Variants in ROBO1 observed in about 807,000 individuals in gnomAD.
The protein encoded by ROBO1 is roundabout homolog 1.
In ROBO1, 149 loss-of-function variants were observed where a neutral mutation model predicts 195.9. The observed-to-expected ratio is 0.76, with a 90% CI of 0.67 to 0.87. ROBO1 has a LOEUF of 0.87. Ranked by LOEUF, ROBO1 falls within the 40% of genes least tolerant of loss-of-function variation. ROBO1 has a pLI of 0.00. For synonymous variants in ROBO1, 816 were observed against 733.2 expected (o/e 1.11, Z -1.82); for missense variants, 1,933 against 2,068.3 (o/e 0.93, Z 1.27).
At chr3:79,546,220 A>C (rs182640469) in intron 2 of ROBO1, among the ~76,000 whole-genome samples, 6 of 152,188 alleles carry the variant, frequency 3.9e-5, no homozygotes, top group African/African-American at 1.2e-4. Context: ...TATTGCAAAA[A>C]TACAGCATAT....
At chr3:79,061,358 A>G (rs2078914066) in intron 3 of ROBO1, among the ~76,000 whole-genome samples, 1 of 152,198 alleles carries the variant, frequency 6.6e-6, no homozygotes, top group Non-Finnish European at 1.5e-5. Context: ...AAGAGGACAC[A>G]AACAAATGGA....
chr3:79,581,491 T>C (rs1943659715), intron 2 of ROBO1, among the ~76,000 whole-genome samples: 1 of 152,170 alleles, frequency 6.6e-6, no homozygotes, highest in Admixed American at 6.6e-5. Flanking sequence ...TGCTTCCATC[T>C]ACTTAAACAA....
rs1205031969 is a variant in ROBO1 at position 78,651,899 on chromosome 3, T to C, written c.2645A>G (p.Asp882Gly). The part of the protein sequence containing the change: ...DAHGNPVSPE[D>G]QVSLAQQISD... ...AATCTGCTGAGCGAGGCTGACTTGG[T>C]CCTCAGGTGACACAGGGTTTCCATG... Residue 882 changes from aspartate to glycine, a missense_variant, in exon 19 of 31, where the codon GAC (aspartate) becomes GGC (glycine). By Grantham distance (94) the Asp-to-Gly change is moderately conservative. Coordinates refer to ENST00000464233, the MANE Select transcript of ROBO1 (RefSeq NM_002941.4). 8.7e-6 allele frequency: 14 copies of C among 1,613,290 alleles called. No homozygotes were observed. The highest frequency in any genetic ancestry group is 1.2e-5 in the Non-Finnish European group (14 of 1,179,556).
intron 2 of ROBO1, among the ~76,000 whole-genome samples, chr3:79,146,418 T>C (rs1343406837): frequency 3.3e-5 from 5 of 152,028 alleles, no homozygotes; most frequent in African/African-American, 1.2e-4. Flanking sequence ...TGAACATAAC[T>C]GCAGAAAAAT....
intron 2 of ROBO1, among the ~76,000 whole-genome samples, chr3:79,361,658 T>C (rs558217605): frequency 1.3e-5 from 2 of 152,224 alleles, no homozygotes; most frequent in Admixed American, 1.3e-4. Context: ...AAAATGTCAG[T>C]ATAGAAAAGA....
chr3:78,972,722 T>C (rs753179427), intron 3 of ROBO1, among the ~76,000 whole-genome samples: 3 of 152,208 alleles, frequency 2.0e-5, no homozygotes, highest in Non-Finnish European at 4.4e-5. Flanking sequence ...AGTGGGAAAG[T>C]CCTTGGCCTG....
chr3:79,303,220 G>T (rs530802754), intron 2 of ROBO1, among the ~76,000 whole-genome samples: 6 of 142,158 alleles, frequency 4.2e-5, no homozygotes, highest in Non-Finnish European at 7.5e-5. Context: ...AGGCTGGAGC[G>T]CAGTGGCGCC....
At chr3:79,221,156 C>T (rs2082130516) in intron 2 of ROBO1, among the ~76,000 whole-genome samples, 1 of 152,012 alleles carries the variant, frequency 6.6e-6, no homozygotes, top group Non-Finnish European at 1.5e-5. Context: ...GGAAGGCAGG[C>T]TTTCTTTTTC....
intron 19 of ROBO1, among the ~76,000 whole-genome samples, chr3:78,650,058 C>T (rs996266349): frequency 1.3e-5 from 2 of 152,000 alleles, no homozygotes; most frequent in African/African-American, 4.8e-5. Context: ...AGAGACTCCA[C>T]ATCTATATGT....
chr3:78,779,314 C>A (rs573755887), intron 4 of ROBO1, among the ~76,000 whole-genome samples: 16 of 152,258 alleles, frequency 1.1e-4, no homozygotes, highest in Non-Finnish European at 1.8e-4. Flanking sequence ...TCAGAATGAA[C>A]AGGCAACCTA....
chr3:78,701,137 T>G (rs2081410862), intron 8 of ROBO1, among the ~76,000 whole-genome samples: 1 of 152,178 alleles, frequency 6.6e-6, no homozygotes, highest in Non-Finnish European at 1.5e-5. Context: ...TTAAAAAGAG[T>G]AAAACCTTGC....
chr3:79,019,159 C>A, intron 3 of ROBO1: 1 of 986,728 alleles, frequency 1.0e-6, no homozygotes, highest in Non-Finnish European at 1.2e-6. Flanking sequence ...ACTCGCACGT[C>A]TTCTGGGCGC....
chr3:78,903,371 T>C (rs562030888), intron 4 of ROBO1, among the ~76,000 whole-genome samples: 1 of 151,798 alleles, frequency 6.6e-6, no homozygotes, highest in Non-Finnish European at 1.5e-5. Flanking sequence ...GACACACCCA[T>C]ACCCAACACC....
Position 79,003,493 on chromosome 3 carries a change from C to T in ROBO1, c.173-64566G>A, listed in dbSNP as rs1438713858. Among the ~76,000 whole-genome samples the T allele has an allele frequency of 3.3e-5, 5 of 151,942 alleles. 1 individual carries two copies. The highest frequency in any genetic ancestry group is 4.2e-4 in the South Asian group (2 of 4,806). On this transcript the variant is annotated intron_variant, in intron 3 of 30. Coordinates refer to ENST00000464233, the MANE Select transcript of ROBO1 (RefSeq NM_002941.4). Reference sequence around the variant, plus strand: ...CATACTAAATAGAAGTCAAAACATGCCGAACACTCTTTCAAGTACTTTACA... The same window carrying T: ...CATACTAAATAGAAGTCAAAACATGTCGAACACTCTTTCAAGTACTTTACA...
chr3:79,398,810 G>A (rs1194420538), intron 2 of ROBO1, among the ~76,000 whole-genome samples: 2 of 151,962 alleles, frequency 1.3e-5, no homozygotes, highest in Non-Finnish European at 2.9e-5. Flanking sequence ...TTTAAAAAAG[G>A]TTATTATTAG....
At chr3:78,949,275 A>G (rs1173280014) in intron 3 of ROBO1, among the ~76,000 whole-genome samples, 1 of 122,576 alleles carries the variant, frequency 8.2e-6, no homozygotes, top group Non-Finnish European at 1.7e-5. Context: ...ACAAGGCTAC[A>G]GTAACCAAAA....
At chr3:78,815,626 G>GTA (rs34328018) in intron 4 of ROBO1, among the ~76,000 whole-genome samples, 147,271 of 152,184 alleles carry the variant, frequency 0.97, 71,443 homozygotes, top group East Asian at 1. Flanking sequence ...GAACTTGAGA[G>GTA]CAAGGTGAGA....
At chr3:79,751,808 G>A (rs567118521) in intron 1 of ROBO1, among the ~76,000 whole-genome samples, 2 of 152,084 alleles carry the variant, frequency 1.3e-5, no homozygotes, top group African/African-American at 4.8e-5. Context: ...TTAGTCACAG[G>A]GTATTAGACA....
chr3:79,041,952 C>A (rs1023378570), intron 3 of ROBO1, among the ~76,000 whole-genome samples: 13 of 152,290 alleles, frequency 8.5e-5, no homozygotes, highest in East Asian at 5.8e-4. Context: ...ACAACTCTGG[C>A]AGGTGAGACT....
Sources: gnomAD v4.1 joint callset for allele counts (sites outside exome capture counted in the v4.1 genomes callset) on GRCh38, gnomAD v4.1.1 for gene constraint, MANE v1.5 for transcripts, NCBI Gene and HGNC (gene_info 2026-07-23, HGNC 2026-07-21) for gene names.